Variants in C12orf54 observed in about 807,000 individuals in gnomAD.
The protein encoded by C12orf54 is chromosome 12 open reading frame 54, also known as uncharacterized protein C12orf54.
In C12orf54, 24 loss-of-function variants were observed where a neutral mutation model predicts 26.4. The observed-to-expected ratio is 0.91, with a 90% CI of 0.66 to 1.28. C12orf54 has a LOEUF of 1.28. Ranked by LOEUF, C12orf54 falls within the 50% of genes most tolerant of loss-of-function variation. The probability of loss-of-function intolerance (pLI) is 0.00; values close to 1 mark genes in which losing one functional copy is unlikely to be tolerated. For missense variants in C12orf54, 154 were observed against 150.9 expected (o/e 1.02, Z -0.11); for synonymous variants, 54 against 47.0 (o/e 1.15, Z -0.61).
At chr12:48,477,422 C>T in the C12orf54 span, among the ~76,000 whole-genome samples, 2 of 152,222 alleles carry the variant, frequency 1.3e-5, no homozygotes, top group South Asian at 2.1e-4. Flanking sequence ...GAAATAGAGA[C>T]ACAAAAAACC....
At chr12:48,446,796 A>T in the C12orf54 span, among the ~76,000 whole-genome samples, 1 of 152,194 alleles carries the variant, frequency 6.6e-6, no homozygotes, top group Non-Finnish European at 1.5e-5. Flanking sequence ...ATCTACCCAC[A>T]TATTTAACTT....
In C12orf54 at chr12:48,494,977, C is replaced by A; in HGVS notation, c.*38C>A. ...GGAAGAAGGACATCTCTGCTTCCGC[C>A]AGGTGCTTTACCCAAGCAGCCTTTC... On this transcript the variant is annotated splice_region_variant and 3_prime_UTR_variant, in exon 8 of 9. Transcript: ENST00000548364. 2.5e-6 allele frequency: 4 copies of A among 1,601,126 alleles called. No homozygotes were observed. Among genetic ancestry groups the A allele is most frequent in the Non-Finnish European group, 3.4e-6 (4 of 1,169,992 alleles).
chr12:48,475,040 G>A, the C12orf54 span, among the ~76,000 whole-genome samples: 22 of 152,166 alleles, frequency 1.4e-4, no homozygotes, highest in Admixed American at 1.4e-3. Context: ...GTACTCCTCT[G>A]AGACAAAACT....
chr12:48,467,305 ACGAACCCTGT>A, the C12orf54 span, among the ~76,000 whole-genome samples: 1 of 152,192 alleles, frequency 6.6e-6, no homozygotes, highest in Non-Finnish European at 1.5e-5. Flanking sequence ...TTTAGAAGAA[ACGAACCCTGT>A]CGACACCTTG....
the C12orf54 span, among the ~76,000 whole-genome samples, chr12:48,451,358 A>T: frequency 6.6e-6 from 1 of 152,120 alleles, no homozygotes; most frequent in South Asian, 2.1e-4. Context: ...TAAGGGCCAC[A>T]TATGACAAAC....
At position 48,486,101 on chromosome 12, in the gene C12orf54, G is replaced by A. The variant is rs1954258498; in HGVS notation, c.66-77G>A. 42 of 1,377,632 alleles carry A rather than the reference G, an allele frequency of 3.0e-5. 1 individual carries two copies. In the South Asian group the frequency reaches 4.8e-4, roughly 16 times the overall value. The allele number at this position is 1,377,632 out of a possible 1,614,324, so 85.3% of individuals were successfully genotyped here. ...AACTTCAAGAATTCCTGCTAGGAGT[G>A]ATAGAATAGAGTTAGGAGAAGGCTT... On this transcript the variant is annotated intron_variant, in intron 2 of 8. Coordinates refer to ENST00000548364, the MANE Select transcript of C12orf54 (RefSeq NM_152319.4).
chr12:48,488,412 G>C, intron 4 of C12orf54: 1 of 445,698 alleles, frequency 2.2e-6, no homozygotes. Flanking sequence ...AGGTGGATTT[G>C]TTCATGGATG....
the C12orf54 span, among the ~76,000 whole-genome samples, chr12:48,470,200 G>A: frequency 6.6e-6 from 1 of 152,060 alleles, no homozygotes; most frequent in Non-Finnish European, 1.5e-5. Flanking sequence ...TTTTCCTTTG[G>A]GTAGATACCC....
intron 2 of C12orf54, among the ~76,000 whole-genome samples, chr12:48,485,595 T>C (rs1241138629): frequency 6.6e-6 from 1 of 152,178 alleles, no homozygotes; most frequent in Non-Finnish European, 1.5e-5. Flanking sequence ...TCCAGTTACC[T>C]GTTTATCTGT....
chr12:48,454,084 C>CTCTT, the C12orf54 span, among the ~76,000 whole-genome samples: 1 of 131,892 alleles, frequency 7.6e-6, no homozygotes, highest in Non-Finnish European at 1.6e-5. Flanking sequence ...CTCTCTCTCT[C>CTCTT]TTTTTTTGTT....
At chr12:48,480,922 G>A (rs982699089), upstream of C12orf54, among the ~76,000 whole-genome samples, 1 of 149,646 alleles carries the variant, frequency 6.7e-6, no homozygotes, top group Non-Finnish European at 1.5e-5. Context: ...CCAACAACAT[G>A]GATGTAGATG....
At chr12:48,430,947 C>T in the C12orf54 span, among the ~76,000 whole-genome samples, 5 of 150,492 alleles carry the variant, frequency 3.3e-5, no homozygotes, top group African/African-American at 2.4e-5. Flanking sequence ...TATATATATA[C>T]GATGGAATAC....
At chr12:48,458,848 T>C in the C12orf54 span, among the ~76,000 whole-genome samples, 2 of 152,276 alleles carry the variant, frequency 1.3e-5, no homozygotes, top group African/African-American at 4.8e-5. Context: ...CTAGTCTTCA[T>C]TGAAACATTA....
the C12orf54 span, among the ~76,000 whole-genome samples, chr12:48,464,091 AG>A: frequency 6.6e-6 from 1 of 152,132 alleles, no homozygotes; most frequent in Non-Finnish European, 1.5e-5. Flanking sequence ...ATCAGGAAAG[AG>A]AAAGAAATAA....
the C12orf54 span, among the ~76,000 whole-genome samples, chr12:48,459,144 G>A: frequency 1.3e-5 from 2 of 152,044 alleles, no homozygotes; most frequent in Non-Finnish European, 2.9e-5. Context: ...CACTTTCCTA[G>A]CTCTCCCTCA....
intron 5 of C12orf54, among the ~76,000 whole-genome samples, chr12:48,489,890 TTC>T (rs1343345337): frequency 1.1e-4 from 16 of 152,032 alleles, no homozygotes; most frequent in Non-Finnish European, 2.4e-4. Flanking sequence ...CCCGGCTAAT[TTC>T]TGCATTTTTA....
intron 4 of C12orf54, chr12:48,488,481 C>CAAAA (rs551426749): frequency 4.4e-5 from 9 of 204,140 alleles, no homozygotes; most frequent in South Asian, 1.4e-4. Flanking sequence ...AACTTACAGC[C>CAAAA]AAAAAAAAAA....
At chr12:48,418,779 C>A in the C12orf54 span, among the ~76,000 whole-genome samples, 2 of 152,140 alleles carry the variant, frequency 1.3e-5, no homozygotes, top group African/African-American at 4.8e-5. Context: ...TTTAGTTCTT[C>A]CTCTTTTAGA....
At chr12:48,430,528 T>A in the C12orf54 span, among the ~76,000 whole-genome samples, 1 of 151,966 alleles carries the variant, frequency 6.6e-6, no homozygotes, top group Non-Finnish European at 1.5e-5. Context: ...GATATACAAA[T>A]GGCCAAAAAA....
Sources: allele counts gnomAD v4.1 joint callset (sites outside exome capture counted in the v4.1 genomes callset), GRCh38; gene constraint gnomAD v4.1.1; transcripts MANE v1.5; gene names NCBI Gene and HGNC (gene_info 2026-07-23, HGNC 2026-07-21).